CRIM1: variants seen among roughly 807,000 people sequenced by gnomAD.
The protein encoded by CRIM1 is cysteine-rich motor neuron 1 protein.
A neutral mutation model predicts 116.4 loss-of-function variants in CRIM1; 32 were observed. That is an observed-to-expected ratio of 0.27 (90% CI 0.21 to 0.37). The LOEUF (loss-of-function observed/expected upper bound fraction) is 0.37, where lower values mean the gene tolerates loss of function less well. Ranked by LOEUF, CRIM1 falls within the 10% of genes least tolerant of loss-of-function variation. The pLI is 1.00. For synonymous variants in CRIM1, 590 were observed against 509.2 expected, an observed-to-expected ratio of 1.16 and a Z score of -2.13; for missense variants, 1,331 against 1,354.8, an observed-to-expected ratio of 0.98 and a Z score of 0.28.
At chr2:36,376,992 C>G (rs1670370288) in intron 1 of CRIM1, among the ~76,000 whole-genome samples, 1 of 152,160 alleles carries the variant, frequency 6.6e-6, no homozygotes, top group South Asian at 2.1e-4. Context: ...TGTCTTTTGT[C>G]TCTTCATGGG....
chr2:36,433,242 A>T (rs1043716557), intron 2 of CRIM1, among the ~76,000 whole-genome samples: 1 of 151,748 alleles, frequency 6.6e-6, no homozygotes, highest in Non-Finnish European at 1.5e-5. Context: ...CCAAGCTCCC[A>T]GGTGTTGCTG....
chr2:36,390,629 C>A (rs886778545), intron 1 of CRIM1, among the ~76,000 whole-genome samples: 4 of 151,922 alleles, frequency 2.6e-5, no homozygotes, highest in Non-Finnish European at 5.9e-5. Flanking sequence ...CAAGTGTCTC[C>A]AGCCTTCTCA....
In CRIM1 at chr2:36,479,677, G is replaced by T; in HGVS notation, c.1355G>T (p.Cys452Phe). ...CTNPVKVPGE[C>F]CPVCEEPTII... ...AACCCTGTGAAAGTGCCTGGGGAGT[G>T]TTGCCCTGTGTGCGAAGGTAAATCT... Residue 452 changes from cysteine to phenylalanine, a missense_variant, in exon 7 of 17, where the codon TGT (cysteine) becomes TTT (phenylalanine). By Grantham distance (205) the Cys-to-Phe change is radical. Coordinates refer to ENST00000280527, the MANE Select transcript of CRIM1 (RefSeq NM_016441.3). The T allele has an allele frequency of 6.2e-7, 1 of 1,614,140 alleles. No homozygotes were observed. Among genetic ancestry groups the T allele is most frequent in the Non-Finnish European group, 8.5e-7 (1 of 1,179,964 alleles).
chr2:36,418,205 G>A (rs1319903274), intron 2 of CRIM1, among the ~76,000 whole-genome samples: 1 of 152,238 alleles, frequency 6.6e-6, no homozygotes, highest in African/African-American at 2.4e-5. Context: ...AGCCAGCAGA[G>A]AGGGAGAAAT....
Position 36,550,034 on chromosome 2 carries a change from A to AT in CRIM1, c.*1333_*1334insT, listed in dbSNP as rs1558432301. On this transcript the variant is annotated 3_prime_UTR_variant, in exon 17 of 17. Coordinates refer to ENST00000280527, the MANE Select transcript of CRIM1 (RefSeq NM_016441.3). ...TTAATTGGAAAGATGTGTGTGTGAG[A>AT]GTATGTATGTGTGTGTGTGTGTGTG... 1 of 147,824 alleles carries AT rather than the reference A, an allele frequency of 6.8e-6. No homozygotes were observed. The highest frequency in any genetic ancestry group is 2.6e-5 in the African/African-American group (1 of 38,494). The allele number at this position is 147,824 out of a possible 1,614,324, so 9.2% of individuals were successfully genotyped here. A position where few individuals can be genotyped will look rare whatever the true frequency, so the allele number is the denominator to read the frequency against.
chr2:36,425,392 A>C (rs1231782119), intron 2 of CRIM1, among the ~76,000 whole-genome samples: 1 of 152,212 alleles, frequency 6.6e-6, no homozygotes, highest in Non-Finnish European at 1.5e-5. Flanking sequence ...TTTCACTAGG[A>C]GTACTGGTAC....
At chr2:36,452,775 T>C (rs1676837681) in intron 4 of CRIM1, among the ~76,000 whole-genome samples, 1 of 152,160 alleles carries the variant, frequency 6.6e-6, no homozygotes. Context: ...AGGCTCTCAG[T>C]CAGTGGCTTC....
intron 1 of CRIM1, among the ~76,000 whole-genome samples, chr2:36,371,738 T>C (rs540166833): frequency 1.3e-5 from 2 of 152,346 alleles, no homozygotes; most frequent in South Asian, 4.1e-4. Context: ...GGTGTCATCT[T>C]TCATTCACTA....
intron 1 of CRIM1, among the ~76,000 whole-genome samples, chr2:36,361,333 A>G (rs1558497864): frequency 6.6e-6 from 1 of 152,184 alleles, no homozygotes; most frequent in Non-Finnish European, 1.5e-5. Flanking sequence ...ATATGAAGAA[A>G]ACTGAACAGT....
chr2:36,425,921 A>G (rs1053591829), intron 2 of CRIM1, among the ~76,000 whole-genome samples: 1 of 152,220 alleles, frequency 6.6e-6, no homozygotes, highest in Admixed American at 6.5e-5. Context: ...GTGGTTTGTC[A>G]TTTGAATCAG....
intron 1 of CRIM1, among the ~76,000 whole-genome samples, chr2:36,386,286 A>T (rs1414131295): frequency 6.6e-6 from 1 of 152,230 alleles, no homozygotes; most frequent in Non-Finnish European, 1.5e-5. Context: ...GGAGATTAAA[A>T]GTTTATTATT....
chr2:36,490,089 A>C (rs1445904848), intron 7 of CRIM1, among the ~76,000 whole-genome samples: 1 of 152,200 alleles, frequency 6.6e-6, no homozygotes, highest in Admixed American at 6.5e-5. Context: ...AAGTTACAAC[A>C]GGCAGGGTTC....
At chr2:36,514,622 A>G (rs1664916139) in intron 11 of CRIM1, among the ~76,000 whole-genome samples, 1 of 152,204 alleles carries the variant, frequency 6.6e-6, no homozygotes, top group Non-Finnish European at 1.5e-5. Context: ...TTTCTTTCAA[A>G]GTTAAGTCTA....
At chr2:36,477,573 T>A (rs892244289) in intron 6 of CRIM1, among the ~76,000 whole-genome samples, 1 of 152,214 alleles carries the variant, frequency 6.6e-6, no homozygotes, top group Non-Finnish European at 1.5e-5. Flanking sequence ...TCTGAAAATA[T>A]GTGGTGGTTC....
intron 1 of CRIM1, among the ~76,000 whole-genome samples, chr2:36,368,391 A>G (rs764354412): frequency 2.6e-5 from 4 of 152,268 alleles, no homozygotes; most frequent in Non-Finnish European, 5.9e-5. Context: ...CCAACTGCGA[A>G]GCTTGGAAAG....
At chr2:36,542,024 A>C (rs1344044819) in intron 14 of CRIM1, among the ~76,000 whole-genome samples, 1 of 152,204 alleles carries the variant, frequency 6.6e-6, no homozygotes, top group Non-Finnish European at 1.5e-5. Flanking sequence ...ATTAAAGGGA[A>C]ATGACTCTCT....
At chr2:36,457,353 A>G (rs1425716081) in intron 4 of CRIM1, among the ~76,000 whole-genome samples, 2 of 145,124 alleles carry the variant, frequency 1.4e-5, no homozygotes, top group African/African-American at 2.7e-5. Context: ...ACAAAGCGTA[A>G]AACAACAACA....
intron 2 of CRIM1, among the ~76,000 whole-genome samples, chr2:36,430,513 C>G (rs1412207953): frequency 6.6e-6 from 1 of 152,216 alleles, no homozygotes; most frequent in African/African-American, 2.4e-5. Flanking sequence ...TCCCTTTGCT[C>G]AGCTGCAGCT....
intron 1 of CRIM1, among the ~76,000 whole-genome samples, chr2:36,359,362 G>T (rs1669069130): frequency 1.3e-5 from 2 of 152,096 alleles, no homozygotes; most frequent in African/African-American, 4.8e-5. Flanking sequence ...TATATTCTCT[G>T]TTTGCCAACT....
Sources: gnomAD v4.1 joint callset for allele counts (sites outside exome capture counted in the v4.1 genomes callset) on GRCh38, gnomAD v4.1.1 for gene constraint, MANE v1.5 for transcripts, NCBI Gene and HGNC (gene_info 2026-07-23, HGNC 2026-07-21) for gene names.